TSPAN9: variants seen among roughly 807,000 people sequenced by gnomAD.
TSPAN9 encodes tetraspanin 9.
TSPAN9 carries 16 observed loss-of-function variants against 31.0 expected under a neutral mutation model. The ratio of observed to expected loss-of-function variants is 0.52; its 90% CI spans 0.35 to 0.78. The LOEUF is 0.78. Among genes scored for constraint, TSPAN9 ranks in the 30% least tolerant of loss-of-function variants. TSPAN9 has a pLI of 0.01. For synonymous variants in TSPAN9, 145 were observed against 121.6 expected, an observed-to-expected ratio of 1.19 and a Z score of -1.27; for missense variants, 272 against 312.5, an observed-to-expected ratio of 0.87 and a Z score of 0.98.
chr12:3,197,957 G>C (rs867632849), intron 2 of TSPAN9, among the ~76,000 whole-genome samples: 49 of 5,322 alleles, frequency 9.2e-3, no homozygotes, highest in African/African-American at 0.057. Context: ...ACCAGCACAG[G>C]TCACCAGCAC....
chr12:3,129,320 G>T (rs2098328741), intron 2 of TSPAN9, among the ~76,000 whole-genome samples: 1 of 152,180 alleles, frequency 6.6e-6, no homozygotes, highest in Admixed American at 6.5e-5. Context: ...ATGGATGCAC[G>T]TGTTAGTAAT....
intron 3 of TSPAN9, among the ~76,000 whole-genome samples, chr12:3,232,842 T>C (rs952423292): frequency 6.6e-6 from 1 of 152,242 alleles, no homozygotes; most frequent in African/African-American, 2.4e-5. Flanking sequence ...CTCCAGAGGC[T>C]GCTCACTCCA....
At chr12:3,271,224 G>A (rs935993982) in intron 3 of TSPAN9, among the ~76,000 whole-genome samples, 13 of 152,202 alleles carry the variant, frequency 8.5e-5, no homozygotes, top group Admixed American at 4.6e-4. Context: ...GAAAGTGTGG[G>A]GTCCAACAGT....
At chr12:3,116,941 G>C (rs930786032) in intron 2 of TSPAN9, among the ~76,000 whole-genome samples, 1 of 152,224 alleles carries the variant, frequency 6.6e-6, no homozygotes, top group East Asian at 1.9e-4. Flanking sequence ...TCCTCAGCCC[G>C]AGGTGGCTCT....
chr12:3,229,825 G>A (rs1007630591), intron 3 of TSPAN9, among the ~76,000 whole-genome samples: 15 of 152,232 alleles, frequency 9.9e-5, no homozygotes, highest in African/African-American at 3.6e-4. Flanking sequence ...CTGCCCAGCA[G>A]CCTTCTCTCT....
intron 2 of TSPAN9, among the ~76,000 whole-genome samples, chr12:3,154,882 A>G (rs1380306646): frequency 6.6e-6 from 1 of 152,180 alleles, no homozygotes; most frequent in Non-Finnish European, 1.5e-5. Flanking sequence ...CCAGTGGTTG[A>G]ACGTGATCAC....
intron 2 of TSPAN9, among the ~76,000 whole-genome samples, chr12:3,194,655 G>C (rs1197659102): frequency 6.6e-6 from 1 of 152,078 alleles, no homozygotes; most frequent in Admixed American, 6.5e-5. Context: ...TCAAAGTTTT[G>C]GGATTACATG....
chr12:3,258,081 G>A (rs1862382665), intron 3 of TSPAN9, among the ~76,000 whole-genome samples: 1 of 152,210 alleles, frequency 6.6e-6, no homozygotes, highest in Non-Finnish European at 1.5e-5. Flanking sequence ...CAGAGGATTT[G>A]GGCTCCACTC....
In TSPAN9 at chr12:3,242,603, G is replaced by A. The variant is rs186284346; in HGVS notation, c.64-35818G>A. ...GGGGACTGTCCCTGCTATCCTCTGC[G>A]GAGCCCAGCTGACAGCTCAGGGCTG... On this transcript the variant is annotated intron_variant, in intron 3 of 8. Transcript: ENST00000011898. Among the ~76,000 whole-genome samples, 40 of 152,318 alleles carry A rather than the reference G, an allele frequency of 2.6e-4. No individual in the cohort carries two copies. In the East Asian group the frequency reaches 6.0e-3, roughly 23 times the overall value.
rs961590028 is a variant in TSPAN9, at chr12:3,248,878, G to A, written c.64-29543G>A. Among the ~76,000 whole-genome samples the A allele has an allele frequency of 2.6e-5, 4 of 152,086 alleles. No individual in the cohort carries two copies. The East Asian group carries it at 5.8e-4, about 22-fold the overall frequency. Reference sequence around the variant, plus strand: ...AAAGTCCTCCTTGGTCCTCTGGTTCGGTAATGGATCCCACCACCTGCCCAG... The same window carrying A: ...AAAGTCCTCCTTGGTCCTCTGGTTCAGTAATGGATCCCACCACCTGCCCAG... On this transcript the variant is annotated intron_variant, in intron 3 of 8. Transcript: ENST00000011898.
intron 2 of TSPAN9, among the ~76,000 whole-genome samples, chr12:3,120,462 C>T (rs2098324545): frequency 6.6e-6 from 1 of 152,208 alleles, no homozygotes; most frequent in Non-Finnish European, 1.5e-5. Flanking sequence ...ACTCCTGTGC[C>T]AGCCCGTCAC....
chr12:3,129,034 A>T (rs1202817740), intron 2 of TSPAN9, among the ~76,000 whole-genome samples: 1 of 152,118 alleles, frequency 6.6e-6, no homozygotes, highest in Non-Finnish European at 1.5e-5. Flanking sequence ...ACCTTTCGTG[A>T]CTGGCTTACT....
At chr12:3,265,807 G>T in intron 3 of TSPAN9, among the ~76,000 whole-genome samples, 1 of 152,224 alleles carries the variant, frequency 6.6e-6, no homozygotes, top group East Asian at 1.9e-4. Context: ...GAGGCAGGTA[G>T]AGGTTATAAT....
At chr12:3,158,363 T>G (rs1417351706) in intron 2 of TSPAN9, among the ~76,000 whole-genome samples, 3 of 152,212 alleles carry the variant, frequency 2.0e-5, no homozygotes, top group East Asian at 1.9e-4. Flanking sequence ...TGTGCTTCCA[T>G]GTATAGTGTG....
chr12:3,230,135 C>A (rs2098389889), intron 3 of TSPAN9, among the ~76,000 whole-genome samples: 1 of 152,234 alleles, frequency 6.6e-6, no homozygotes, highest in Non-Finnish European at 1.5e-5. Context: ...TCCTGCATCA[C>A]TCTATGGAGG....
Position 3,198,389 on chromosome 12 carries a change from C to T in TSPAN9, c.-17-2788C>T, listed in dbSNP as rs1394375429. Among the ~76,000 whole-genome samples the T allele has an allele frequency of 8.5e-5, 9 of 105,814 alleles. 1 individual carries two copies. The highest frequency in any genetic ancestry group is 6.0e-4 in the Admixed American group (6 of 9,962). 69.4% of individuals were successfully genotyped at this position (105,814 alleles called of 152,430 possible). ...CACCACCAGCACAGGCCACCACCAG[C>T]ACAGGTCACCACCAGCACAGGTCAC... On this transcript the variant is annotated intron_variant, in intron 2 of 8. Coordinates refer to ENST00000011898, the MANE Select transcript of TSPAN9 (RefSeq NM_006675.5).
intron 2 of TSPAN9, among the ~76,000 whole-genome samples, chr12:3,184,586 C>A (rs537589586): frequency 2.6e-4 from 40 of 152,238 alleles, no homozygotes; most frequent in African/African-American, 8.7e-4. Context: ...GGTAGCAGGG[C>A]TCCCCGATGA....
At position 3,112,393 on chromosome 12, in the gene TSPAN9, C is replaced by T. The variant is rs1050234621; in HGVS notation, c.-18+28674C>T. On this transcript the variant is annotated intron_variant, in intron 2 of 8. Transcript: ENST00000011898. ...GTTTCTCCATGTTGGTCAGGCTGGT[C>T]GCAAACTCCCAACCTCAGGTGATCC... Among the ~76,000 whole-genome samples, 7 of 151,836 alleles carry T rather than the reference C, an allele frequency of 4.6e-5. No homozygotes were observed. In the East Asian group the frequency reaches 5.8e-4, roughly 13 times the overall value.
At chr12:3,194,718 A>G (rs933486661) in intron 2 of TSPAN9, among the ~76,000 whole-genome samples, 5 of 152,180 alleles carry the variant, frequency 3.3e-5, no homozygotes, top group African/African-American at 9.7e-5. Context: ...AGAAACTTAA[A>G]AAAACAAACA....
Sources: gnomAD v4.1 joint callset for allele counts (sites outside exome capture counted in the v4.1 genomes callset) on GRCh38, gnomAD v4.1.1 for gene constraint, MANE v1.5 for transcripts, NCBI Gene and HGNC (gene_info 2026-07-23, HGNC 2026-07-21) for gene names.